The following PRKAG2 variants were observed in gnomAD, a reference collection of about 807,000 sequenced individuals.
The protein encoded by PRKAG2 is protein kinase AMP-activated non-catalytic subunit gamma 2.
PRKAG2 carries 26 observed loss-of-function variants against 69.6 expected under a neutral mutation model. The observed-to-expected ratio is 0.37, with a 90% CI of 0.27 to 0.52. PRKAG2 has a LOEUF of 0.52. PRKAG2 is among the 20% of genes least tolerant of loss of function. The pLI, the probability that PRKAG2 is intolerant of heterozygous loss-of-function variation, is 0.90. For synonymous variants in PRKAG2, 293 were observed against 285.0 expected (o/e 1.03, Z -0.28); for missense variants, 557 against 740.0 (o/e 0.75, Z 2.87).
chr7:151,781,530 GC>G lies in PRKAG2; in HGVS notation c.187-100del. ...TATCATTGTCCTCTCTCACATGCGGGCCCCCCATAGTACCCTCCCAGAGAAA... is the reference window on the plus strand; with the variant it reads ...TATCATTGTCCTCTCTCACATGCGGGCCCCCATAGTACCCTCCCAGAGAAA... On this transcript the variant is annotated intron_variant, in intron 2 of 15. Transcript: ENST00000287878. The surrounding 1 kb of genome is among the most constrained non-coding windows in gnomAD (Gnocchi z 6.1). 2.1e-6 allele frequency: 3 copies of G among 1,398,074 alleles called. No individual in the cohort carries two copies. Among genetic ancestry groups the G allele is most frequent in the Non-Finnish European group, 2.0e-6 (2 of 1,023,226 alleles). The allele number at this position is 1,398,074 out of a possible 1,614,324, so 86.6% of individuals were successfully genotyped here.
intron 1 of PRKAG2, among the ~76,000 whole-genome samples, chr7:151,816,990 G>A (rs888801875): frequency 7.2e-5 from 11 of 152,110 alleles, no homozygotes; most frequent in East Asian, 1.9e-4. Context: ...TAGTTCTCAC[G>A]GCAGCAATTC....
intron 1 of PRKAG2, among the ~76,000 whole-genome samples, chr7:151,873,627 G>A (rs2080270840): frequency 1.3e-5 from 2 of 152,190 alleles, no homozygotes; most frequent in African/African-American, 2.4e-5. Flanking sequence ...ATAACTGAAT[G>A]AATACTACTT....
At chr7:151,565,033 CG>C (rs1805916935) in intron 13 of PRKAG2, among the ~76,000 whole-genome samples, 1 of 151,862 alleles carries the variant, frequency 6.6e-6, no homozygotes, top group Non-Finnish European at 1.5e-5. Flanking sequence ...CGTCTAGAGG[CG>C]AATAAATCAG....
intron 1 of PRKAG2, among the ~76,000 whole-genome samples, chr7:151,847,346 C>T (rs777246852): frequency 3.9e-5 from 6 of 152,104 alleles, no homozygotes; most frequent in South Asian, 2.1e-4. Context: ...CAGGCTGGGG[C>T]GACAGGAGCC....
chr7:151,724,711 C>T (rs1324790962), intron 3 of PRKAG2, among the ~76,000 whole-genome samples: 6 of 147,196 alleles, frequency 4.1e-5, no homozygotes, highest in Admixed American at 2.0e-4. Context: ...ACTCCCTAGC[C>T]GGAGCAGCCG....
chr7:151,818,241 T>A (rs184347462), intron 1 of PRKAG2, among the ~76,000 whole-genome samples: 1 of 152,320 alleles, frequency 6.6e-6, no homozygotes, highest in East Asian at 1.9e-4. Flanking sequence ...CTGAGCTGTG[T>A]AAGTGGCCTA....
At chr7:151,572,002 C>G (rs898828801) in intron 9 of PRKAG2, among the ~76,000 whole-genome samples, 1 of 152,172 alleles carries the variant, frequency 6.6e-6, no homozygotes, top group Non-Finnish European at 1.5e-5. Flanking sequence ...TGCCGTGATT[C>G]CCACCCCCGG....
chr7:151,834,621 C>G (rs1316020486), intron 1 of PRKAG2, among the ~76,000 whole-genome samples: 1 of 152,218 alleles, frequency 6.6e-6, no homozygotes, highest in Non-Finnish European at 1.5e-5. Flanking sequence ...CAGCACTACC[C>G]CTACTTGCTG....
intron 3 of PRKAG2, among the ~76,000 whole-genome samples, chr7:151,773,023 A>AAGAAAGAAAG (rs1563639223): frequency 8.9e-4 from 49 of 55,084 alleles, no homozygotes; most frequent in South Asian, 1.2e-3. Flanking sequence ...GAAAGAAAGA[A>AAGAAAGAAAG]AGAGAGAGAG....
intron 4 of PRKAG2, among the ~76,000 whole-genome samples, chr7:151,635,409 T>C (rs1208104624): frequency 6.6e-6 from 1 of 152,236 alleles, no homozygotes; most frequent in Non-Finnish European, 1.5e-5. Context: ...AGCAGCTTTT[T>C]TGCAACAGTG....
At chr7:151,629,192 T>C (rs2151310469) in intron 5 of PRKAG2, among the ~76,000 whole-genome samples, 2 of 152,260 alleles carry the variant, frequency 1.3e-5, no homozygotes, top group South Asian at 4.1e-4. Context: ...ACTGAGACCA[T>C]AACACCCGCA....
At chr7:151,623,549 C>A (rs1249713954) in intron 5 of PRKAG2, among the ~76,000 whole-genome samples, 1 of 152,030 alleles carries the variant, frequency 6.6e-6, no homozygotes, top group Non-Finnish European at 1.5e-5. Context: ...TGGGCCGATT[C>A]CTAACAGTAG....
At position 151,632,502 on chromosome 7, in the gene PRKAG2, C is replaced by A. The variant is rs1287093731; in HGVS notation, c.685-364G>T. 6.7e-6 allele frequency: 6 copies of A among 900,556 alleles called. No homozygotes were observed. The East Asian group carries it at 4.8e-4, about 71-fold the overall frequency. The allele number at this position is 900,556 out of a possible 1,614,324, so 55.8% of individuals were successfully genotyped here. A position where few individuals can be genotyped will look rare whatever the true frequency, so the allele number is the denominator to read the frequency against. On this transcript the variant is annotated intron_variant, in intron 4 of 15. Coordinates refer to ENST00000287878, the MANE Select transcript of PRKAG2 (RefSeq NM_016203.4). The surrounding 1 kb of genome is among the most constrained non-coding windows in gnomAD (Gnocchi z 4.2). Reference sequence around the variant, plus strand: ...GCCCCCCTCCGGCCGTGGCCCGCGTCCTCCCCGCCGTGCCGCCATTGGGAG... The same window carrying A: ...GCCCCCCTCCGGCCGTGGCCCGCGTACTCCCCGCCGTGCCGCCATTGGGAG...
rs997281297 is a variant in PRKAG2 at position 151,777,615 on chromosome 7, A to G, written c.466+3537T>C. Among the ~76,000 whole-genome samples, 1 of 152,092 alleles carries G rather than the reference A, an allele frequency of 6.6e-6. No individual in the cohort carries two copies. The highest frequency in any genetic ancestry group is 1.5e-5 in the Non-Finnish European group (1 of 68,002). The stretch of plus-strand genomic sequence containing the variant: ...TGGAAGCAGCCTGAAGCCCTTGCAA[A>G]CACCTTGGCAGAGATCACGACAGCA... On this transcript the variant is annotated intron_variant, in intron 3 of 15. Transcript: ENST00000287878. The surrounding 1 kb of genome is among the most constrained non-coding windows in gnomAD (Gnocchi z 4.3).
chr7:151,563,487 C>A lies in PRKAG2; in HGVS notation c.1584+591G>T, dbSNP rs555754289. Among the ~76,000 whole-genome samples the A allele has an allele frequency of 7.2e-5, 11 of 152,296 alleles. No homozygotes were observed. In the South Asian group the frequency reaches 2.1e-3, roughly 29 times the overall value. ...ATTCACTTTGTTAAAATATATATTACGCACTTTAAATTTTGAATTCATAAA... is the reference window on the plus strand; with the variant it reads ...ATTCACTTTGTTAAAATATATATTAAGCACTTTAAATTTTGAATTCATAAA... On this transcript the variant is annotated intron_variant, in intron 14 of 15. Transcript: ENST00000287878.
chr7:151,619,984 GTACTCT>G (rs1821089689), intron 5 of PRKAG2, among the ~76,000 whole-genome samples: 1 of 152,148 alleles, frequency 6.6e-6, no homozygotes, highest in African/African-American at 2.4e-5. Flanking sequence ...TCGCGCCACT[GTACTCT>G]AGCCTGGGTG....
chr7:151,584,457 T>A (rs1487096696), intron 6 of PRKAG2, among the ~76,000 whole-genome samples: 3 of 151,198 alleles, frequency 2.0e-5, no homozygotes, highest in African/African-American at 7.3e-5. Context: ...TTTACACAGA[T>A]CTCACTAGAA....
In PRKAG2 at chr7:151,560,506, C is replaced by A. The variant is rs201164614; in HGVS notation, c.1678+18G>T. The A allele has an allele frequency of 6.8e-6, 11 of 1,613,946 alleles. No homozygotes were observed. Among genetic ancestry groups the A allele is most frequent in the Non-Finnish European group, 8.5e-6 (10 of 1,179,986 alleles). ...CTTCCTAGACGCCGATGGCAAAGGT[C>A]AGAAACCAGCATTTTACCTGCTGGT... On this transcript the variant is annotated intron_variant, in intron 15 of 15. Transcript: ENST00000287878.
chr7:151,586,532 T>C (rs1811722788), intron 6 of PRKAG2, among the ~76,000 whole-genome samples: 1 of 152,234 alleles, frequency 6.6e-6, no homozygotes, highest in East Asian at 1.9e-4. Context: ...AAGTTCCCTT[T>C]AATGCTAGAA....
Sources: gnomAD v4.1 joint callset for allele counts (sites outside exome capture counted in the v4.1 genomes callset) on GRCh38, gnomAD v4.1.1 for gene constraint, Gnocchi (gnomAD v3.1) non-coding constraint, MANE v1.5 for transcripts, NCBI Gene and HGNC (gene_info 2026-07-23, HGNC 2026-07-21) for gene names.